Variants in AFMID observed in about 807,000 individuals in gnomAD.
AFMID encodes the protein kynurenine formamidase.
A neutral mutation model predicts 47.5 loss-of-function variants in AFMID; 39 were observed. The ratio of observed to expected loss-of-function variants is 0.82; its 90% CI spans 0.64 to 1.07. The LOEUF is 1.07. Among genes scored for constraint, AFMID ranks in the 50% least tolerant of loss-of-function variants. AFMID has a pLI of 0.00. For synonymous variants in AFMID, 130 were observed against 153.2 expected (o/e 0.85, Z 1.12); for missense variants, 375 against 387.5 (o/e 0.97, Z 0.27).
chr17:78,205,539 C>T (rs1233614229), intron 8 of AFMID, 21 bp downstream of exon 8: 3 of 1,614,132 alleles, frequency 1.9e-6, no homozygotes, highest in South Asian at 1.1e-5. Context: ...TGGCCACCAC[C>T]TCCCCTGGCT....
intron 2 of AFMID, chr17:78,197,604 A>G (rs2076145359): frequency 5.0e-6 from 1 of 198,936 alleles, no homozygotes; most frequent in Non-Finnish European, 1.0e-5. Flanking sequence ...TGACTCAGAC[A>G]GGAGCCCAGG....
intron 2 of AFMID, among the ~76,000 whole-genome samples, chr17:78,191,288 C>T (rs537254045): frequency 8.5e-5 from 13 of 152,278 alleles, no homozygotes; most frequent in East Asian, 3.9e-4. Context: ...ACGGCTCAGT[C>T]GACCATGCCT....
intron 2 of AFMID, among the ~76,000 whole-genome samples, chr17:78,196,133 G>A (rs2076106666): frequency 6.6e-6 from 1 of 152,214 alleles, no homozygotes; most frequent in Admixed American, 6.5e-5. Context: ...GGAGGCCAAG[G>A]CGGTGGGAAT....
chr17:78,190,892 G>C, intron 1 of AFMID, 78 bp from the exon 2 acceptor site: 3 of 1,323,590 alleles, frequency 2.3e-6, no homozygotes, highest in Non-Finnish European at 3.2e-6. Flanking sequence ...GAGAGGAGCA[G>C]CCGGGCATGG....
At chr17:78,187,491 AT>A in intron 1 of AFMID, 58 bp downstream of exon 1, 1 of 1,598,190 alleles carries the variant, frequency 6.3e-7, no homozygotes, top group African/African-American at 1.3e-5. Flanking sequence ...CATTTATTAG[AT>A]TGGAATTCCA....
Position 78,205,244 on chromosome 17 carries a change from T to C in AFMID, c.565+54T>C, listed in dbSNP as rs1027824421. The C allele has an allele frequency of 5.2e-6, 8 of 1,550,990 alleles. No individual in the cohort carries two copies. In the Admixed American group the frequency reaches 5.4e-5, roughly 10 times the overall value. On this transcript the variant is annotated intron_variant, in intron 7 of 10. Coordinates refer to ENST00000409257, the MANE Select transcript of AFMID (RefSeq NM_001010982.5). ...GCAACCTTCATCTCCCCATGAGCCT[T>C]GGGGTTTGGGCCAACTGCTTGAAAT... is the stretch of plus-strand genomic sequence containing the variant.
chr17:78,191,414 G>A (rs2075966114), intron 2 of AFMID, among the ~76,000 whole-genome samples: 3 of 152,070 alleles, frequency 2.0e-5, no homozygotes. Context: ...TGTGGAATGC[G>A]GTCACTATTC....
At chr17:78,202,386 G>T in intron 2 of AFMID, 113 bp from the exon 3 acceptor site, 2 of 988,580 alleles carry the variant, frequency 2.0e-6, no homozygotes, top group Non-Finnish European at 3.1e-6. Flanking sequence ...CCGAGATCGC[G>T]CCACTGCACT....
In AFMID at chr17:78,207,238, G is replaced by A; in HGVS notation, c.*301G>A. On this transcript the variant is annotated 3_prime_UTR_variant, in exon 11 of 11. Transcript: ENST00000409257. ...GCCCATCTACCTGCTGACAGAGCAT[G>A]ACAAAGATGACGCTCAAAAGTAATG... 1 of 299,462 alleles carries A rather than the reference G, an allele frequency of 3.3e-6. No individual in the cohort carries two copies. Among genetic ancestry groups the A allele is most frequent in the Non-Finnish European group, 6.1e-6 (1 of 165,268 alleles). 18.6% of individuals were successfully genotyped at this position (299,462 alleles called of 1,614,324 possible).
chr17:78,192,353 T>A lies in AFMID; in HGVS notation c.154+1293T>A, dbSNP rs1265333611. Among the ~76,000 whole-genome samples the A allele has an allele frequency of 2.8e-5, 4 of 141,864 alleles. No individual in the cohort carries two copies. In the East Asian group the frequency reaches 8.6e-4, roughly 30 times the overall value. The allele number at this position is 141,864 out of a possible 152,430, so 93.1% of individuals were successfully genotyped here. On this transcript the variant is annotated intron_variant, in intron 2 of 10. Transcript: ENST00000409257. ...TTTTGAGACGGAGTTTTGCTCTTGC[T>A]GCCCAGGCTGGAGTGCAAAGGTGCA...
intron 1 of AFMID, among the ~76,000 whole-genome samples, chr17:78,189,980 C>T (rs369228192): frequency 5.3e-5 from 8 of 151,482 alleles, no homozygotes; most frequent in East Asian, 3.9e-4. Flanking sequence ...TACAGGCGCG[C>T]GTCACCATGC....
intron 2 of AFMID, among the ~76,000 whole-genome samples, chr17:78,201,367 T>TC (rs1340024893): frequency 6.6e-6 from 1 of 150,460 alleles, no homozygotes; most frequent in Non-Finnish European, 1.5e-5. Context: ...ATGCCTGTAA[T>TC]CCCAGCACTT....
chr17:78,204,132 A>C (rs773637048), intron 4 of AFMID: 6 of 160,660 alleles, frequency 3.7e-5, no homozygotes, highest in Admixed American at 2.9e-4. Context: ...AATTGCCTCT[A>C]TTTTACAGAT....
intron 2 of AFMID, among the ~76,000 whole-genome samples, chr17:78,199,594 C>T (rs1474166576): frequency 1.3e-5 from 2 of 151,944 alleles, no homozygotes; most frequent in East Asian, 1.9e-4. Flanking sequence ...AGGGTGGTCT[C>T]GAATGCCTGA....
chr17:78,206,937 G>T lies in AFMID; in HGVS notation c.912G>T (p.Ter304TyrextTer2). 6.2e-7 allele frequency: 1 copy of T among 1,614,008 alleles called. No homozygotes were observed. Among genetic ancestry groups the T allele is most frequent in the Non-Finnish European group, 8.5e-7 (1 of 1,179,986 alleles). The part of the protein sequence containing the change: ...TQIILKTIFQ[*>Y] ...TTATCTTGAAAACAATCTTCCAGTA[G>T]TTCTGACGATACTTGGAGCCTGGTC... Residue 304 changes from the stop codon to tyrosine, a stop_lost, in exon 11 of 11, where the codon TAG (stop) becomes TAT (tyrosine). Coordinates refer to ENST00000409257, the MANE Select transcript of AFMID (RefSeq NM_001010982.5).
At chr17:78,192,793 C>T (rs562306456) in intron 2 of AFMID, 21 of 363,574 alleles carry the variant, frequency 5.8e-5, no homozygotes, top group African/African-American at 8.5e-5. Context: ...TAGGTGAGGA[C>T]GCAGCCAACC....
rs1599017234 is a variant in AFMID at position 78,205,522 on chromosome 17, A to C, written c.644+4A>C. 1 of 1,613,982 alleles carries C rather than the reference A, an allele frequency of 6.2e-7. No homozygotes were observed. Among genetic ancestry groups the C allele is most frequent in the East Asian group, 2.2e-5 (1 of 44,860 alleles). On this transcript the variant is annotated splice_donor_region_variant and intron_variant, in intron 8 of 10. Coordinates refer to ENST00000409257, the MANE Select transcript of AFMID (RefSeq NM_001010982.5). ...ACGTTGCTCTCCAGCTGACCCTGTG[A>C]GTTACTTGGCCACCACCTCCCCTGG... is the stretch of plus-strand genomic sequence containing the variant.
chr17:78,191,114 T>G (rs1215560230), intron 2 of AFMID, 54 bp downstream of exon 2: 14 of 1,489,752 alleles, frequency 9.4e-6, no homozygotes, highest in Non-Finnish European at 1.3e-5. Flanking sequence ...CATGTGGCAG[T>G]GATTCAGAAT....
chr17:78,202,673 T>G (rs35822441), intron 3 of AFMID, 30 bp from the exon 4 acceptor site: 1 of 1,567,404 alleles, frequency 6.4e-7, no homozygotes, highest in Non-Finnish European at 8.6e-7. Flanking sequence ...GGGCGGGCCT[T>G]GCTCACACGC....
Sources: allele counts gnomAD v4.1 joint callset (sites outside exome capture counted in the v4.1 genomes callset), GRCh38; gene constraint gnomAD v4.1.1; transcripts MANE v1.5; gene names NCBI Gene and HGNC (gene_info 2026-07-23, HGNC 2026-07-21).